TMC1: variants seen among roughly 807,000 people sequenced by gnomAD.
TMC1 encodes transmembrane channel like 1.
TMC1 carries 84 observed loss-of-function variants against 105.8 expected under a neutral mutation model. The observed-to-expected ratio is 0.79, with a 90% CI of 0.67 to 0.95. TMC1 has a LOEUF of 0.95. TMC1 is among the 40% of genes least tolerant of loss of function. The pLI, the probability that TMC1 is intolerant of heterozygous loss-of-function variation, is 0.00. For synonymous variants in TMC1, 315 were observed against 311.5 expected (o/e 1.01, Z -0.12); for missense variants, 817 against 914.1 (o/e 0.89, Z 1.37).
Position 72,787,858 on chromosome 9 carries a change from T to A in TMC1, c.885-481T>A, listed in dbSNP as rs144161458. 3.1e-3 allele frequency among the ~76,000 whole-genome samples: 473 copies of A among 152,260 alleles called. 3 individuals carry two copies. Among genetic ancestry groups the A allele is most frequent in the African/African-American group, 0.011 (443 of 41,546 alleles). ...GATGAGATTCTAGGGGGAATTAAAA[T>A]TTACATAGGAGTTTCTTTGCCTGGT... On this transcript the variant is annotated intron_variant, in intron 13 of 23. Coordinates refer to ENST00000297784, the MANE Select transcript of TMC1 (RefSeq NM_138691.3).
intron 9 of TMC1, chr9:72,741,371 C>T (rs1827387727): frequency 4.4e-5 from 19 of 434,974 alleles, no homozygotes; most frequent in South Asian, 4.2e-4. Flanking sequence ...TGGTGTAAGA[C>T]TTCTTCCTTT....
rs150829330 is a variant in TMC1 at position 72,740,475 on chromosome 9, T to G, written c.453+266T>G. ...TGTGTGACTTTAGCACTTCCAAATA[T>G]AAAAGATTGCATCCTTTTTCATTTT... On this transcript the variant is annotated intron_variant, in intron 9 of 23. Transcript: ENST00000297784. Among the ~76,000 whole-genome samples the G allele has an allele frequency of 2.4e-3, 366 of 152,302 alleles. 2 individuals carry two copies. The highest frequency in any genetic ancestry group is 8.2e-3 in the African/African-American group (339 of 41,590).
At chr9:72,760,841 C>G (rs1276634116) in intron 12 of TMC1, among the ~76,000 whole-genome samples, 1 of 152,108 alleles carries the variant, frequency 6.6e-6, no homozygotes, top group East Asian at 1.9e-4. Context: ...AACTACCAAT[C>G]TGTAGAGCTT....
At chr9:72,618,701 G>A (rs1207961172) in intron 3 of TMC1, among the ~76,000 whole-genome samples, 1 of 152,032 alleles carries the variant, frequency 6.6e-6, no homozygotes, top group African/African-American at 2.4e-5. Context: ...ATATGTTAAT[G>A]TAATCATGTT....
intron 1 of TMC1, among the ~76,000 whole-genome samples, chr9:72,527,710 T>G (rs570166683): frequency 6.6e-6 from 1 of 152,174 alleles, no homozygotes; most frequent in East Asian, 1.9e-4. Flanking sequence ...CCTGGTTTAT[T>G]GTAGGAGAGC....
chr9:72,534,751 A>G (rs1038806553), intron 1 of TMC1, among the ~76,000 whole-genome samples: 4 of 152,318 alleles, frequency 2.6e-5, no homozygotes, highest in African/African-American at 9.6e-5. Context: ...CAAGATTATA[A>G]AGATATTTTA....
chr9:72,655,547 C>T (rs1825870309), intron 5 of TMC1, among the ~76,000 whole-genome samples: 1 of 151,974 alleles, frequency 6.6e-6, no homozygotes, highest in Non-Finnish European at 1.5e-5. Context: ...TCGAGACCAT[C>T]CTGGTCAACA....
At chr9:72,563,372 A>T (rs1824091630) in intron 1 of TMC1, among the ~76,000 whole-genome samples, 1 of 152,210 alleles carries the variant, frequency 6.6e-6, no homozygotes, top group South Asian at 2.1e-4. Context: ...TTGGAGATTG[A>T]TAAGAGCAGA....
At chr9:72,563,947 G>T (rs1824102868) in intron 1 of TMC1, among the ~76,000 whole-genome samples, 1 of 146,874 alleles carries the variant, frequency 6.8e-6, no homozygotes, top group Admixed American at 6.8e-5. Context: ...GAGGGGAGGA[G>T]ATATAGGATT....
intron 1 of TMC1, among the ~76,000 whole-genome samples, chr9:72,525,454 T>G (rs1256706075): frequency 6.6e-6 from 1 of 152,194 alleles, no homozygotes; most frequent in East Asian, 1.9e-4. Flanking sequence ...ATGGGAAGTT[T>G]AGGGCGAGAC....
At chr9:72,673,233 T>C (rs1826151516) in intron 5 of TMC1, among the ~76,000 whole-genome samples, 2 of 152,146 alleles carry the variant, frequency 1.3e-5, no homozygotes, top group Admixed American at 6.6e-5. Flanking sequence ...TATAATAGTA[T>C]AGACCTATAT....
intron 5 of TMC1, among the ~76,000 whole-genome samples, chr9:72,649,727 C>T (rs537489642): frequency 1.3e-4 from 20 of 152,044 alleles, no homozygotes; most frequent in Non-Finnish European, 2.8e-4. Flanking sequence ...AACAGGGTGG[C>T]GTGGTTTTTC....
chr9:72,681,510 A>G lies in TMC1; in HGVS notation c.17-7199A>G, dbSNP rs1050908829. On this transcript the variant is annotated intron_variant, in intron 5 of 23. Transcript: ENST00000297784. Reference sequence around the variant, plus strand: ...TGCAGTTTCTCACAAATACTCCAGCATGTAATTTGCCATTTGCAGAACCAG... The same window carrying G: ...TGCAGTTTCTCACAAATACTCCAGCGTGTAATTTGCCATTTGCAGAACCAG... Among the ~76,000 whole-genome samples the G allele has an allele frequency of 3.3e-5, 5 of 152,250 alleles. No homozygotes were observed. The South Asian group carries it at 1.0e-3, about 32-fold the overall frequency.
intron 18 of TMC1, among the ~76,000 whole-genome samples, chr9:72,811,676 C>T (rs894484653): frequency 6.6e-6 from 1 of 152,114 alleles, no homozygotes; most frequent in Non-Finnish European, 1.5e-5. Flanking sequence ...GCATGGTGTT[C>T]ACAGTTGTAT....
intron 12 of TMC1, among the ~76,000 whole-genome samples, chr9:72,762,139 A>C (rs1000378235): frequency 3.9e-5 from 6 of 152,214 alleles, no homozygotes; most frequent in Non-Finnish European, 7.3e-5. Flanking sequence ...CTCAGATTGT[A>C]CTACAGTTTT....
intron 8 of TMC1, among the ~76,000 whole-genome samples, chr9:72,711,548 TTGGCTGAATAAA>T (rs758904618): frequency 2.6e-5 from 4 of 152,256 alleles, no homozygotes; most frequent in Non-Finnish European, 5.9e-5. Context: ...CATATGTTGG[TTGGCTGAATAAA>T]TGTCTTCTTT....
chr9:72,641,307 T>A (rs191498444), intron 4 of TMC1, among the ~76,000 whole-genome samples: 45 of 152,102 alleles, frequency 3.0e-4, no homozygotes, highest in African/African-American at 1.0e-3. Flanking sequence ...TTGGCTAGGC[T>A]TGTTTTAACT....
intron 17 of TMC1, 111 bp downstream of exon 17, chr9:72,792,463 G>A: frequency 1.5e-6 from 2 of 1,299,760 alleles, no homozygotes; most frequent in Non-Finnish European, 1.1e-6. Flanking sequence ...AAATAGCTAA[G>A]ATTTGTTGAA....
intron 6 of TMC1, among the ~76,000 whole-genome samples, chr9:72,692,502 A>G (rs1299841764): frequency 2.0e-5 from 3 of 152,198 alleles, no homozygotes; most frequent in Non-Finnish European, 4.4e-5. Context: ...CATGGAGGGA[A>G]GGCGGGTCCA....
Sources: gnomAD v4.1 joint callset for allele counts (sites outside exome capture counted in the v4.1 genomes callset) on GRCh38, gnomAD v4.1.1 for gene constraint, MANE v1.5 for transcripts, NCBI Gene and HGNC (gene_info 2026-07-23, HGNC 2026-07-21) for gene names.